The following INSYN2B variants were observed in gnomAD, a reference collection of about 807,000 sequenced individuals.
INSYN2B encodes inhibitory synaptic factor family member 2B, also known as protein INSYN2B.
In INSYN2B, 16 loss-of-function variants were observed where a neutral mutation model predicts 41.2. That is an observed-to-expected ratio of 0.39 (90% CI 0.26 to 0.59). INSYN2B has a LOEUF of 0.59. Among genes scored for constraint, INSYN2B ranks in the 20% least tolerant of loss-of-function variants. The pLI, the probability that INSYN2B is intolerant of heterozygous loss-of-function variation, is 0.57. For missense variants in INSYN2B, 608 were observed against 646.4 expected (o/e 0.94, Z 0.64); for synonymous variants, 245 against 244.4 (o/e 1.00, Z -0.02).
intron 1 of INSYN2B, among the ~76,000 whole-genome samples, chr5:169,971,283 G>A (rs7702092): frequency 0.32 from 48,038 of 152,006 alleles, 7,923 homozygotes; most frequent in Admixed American, 0.38. Flanking sequence ...TGCCAGAGAA[G>A]GAGCCAGCCT....
chr5:169,928,563 C>T (rs1241244885), intron 1 of INSYN2B, among the ~76,000 whole-genome samples: 2 of 152,200 alleles, frequency 1.3e-5, no homozygotes, highest in East Asian at 1.9e-4. Flanking sequence ...TGACATGAAG[C>T]ATCGTCCATC....
At chr5:169,908,713 CTTTTTTTT>C (rs34261104) in intron 1 of INSYN2B, among the ~76,000 whole-genome samples, 47 of 105,076 alleles carry the variant, frequency 4.5e-4, no homozygotes, top group African/African-American at 7.6e-4. Context: ...TTTCTTTTTT[CTTTTTTTT>C]TTTTTTTTTT....
At chr5:169,867,388 G>A (rs1322729461) in intron 3 of INSYN2B, among the ~76,000 whole-genome samples, 1 of 151,970 alleles carries the variant, frequency 6.6e-6, no homozygotes, top group African/African-American at 2.4e-5. Context: ...TATGAGCCAG[G>A]AACCATGGGT....
chr5:169,916,483 G>T (rs1774880769), intron 1 of INSYN2B, among the ~76,000 whole-genome samples: 1 of 152,220 alleles, frequency 6.6e-6, no homozygotes, highest in Admixed American at 6.5e-5. Flanking sequence ...TGATGAAGGG[G>T]ATGGACGCTA....
chr5:169,884,021 G>T lies in INSYN2B; in HGVS notation c.-123C>A. On this transcript the variant is annotated 5_prime_UTR_variant, in exon 2 of 4. Transcript: ENST00000377365. ...GAGAACTGCTGGCCAGGATGGAGTG[G>T]TCCTCTCCTCTTAGTATGGGAAATC... 1 of 908,302 alleles carries T rather than the reference G, an allele frequency of 1.1e-6. No individual in the cohort carries two copies. Among genetic ancestry groups the T allele is most frequent in the Non-Finnish European group, 1.5e-6 (1 of 649,808 alleles). 56.3% of individuals were successfully genotyped at this position (908,302 alleles called of 1,614,324 possible).
intron 1 of INSYN2B, among the ~76,000 whole-genome samples, chr5:169,896,397 A>G (rs989355807): frequency 6.6e-6 from 1 of 152,158 alleles, no homozygotes; most frequent in Non-Finnish European, 1.5e-5. Flanking sequence ...TTAGATTTCA[A>G]TGCTGGCTCT....
chr5:169,950,267 C>T (rs534923799), intron 1 of INSYN2B, among the ~76,000 whole-genome samples: 2 of 152,266 alleles, frequency 1.3e-5, no homozygotes, highest in Non-Finnish European at 2.9e-5. Flanking sequence ...CCTTTCTGAG[C>T]CTCACTTTCC....
chr5:169,964,670 C>T (rs1490208499), intron 1 of INSYN2B, among the ~76,000 whole-genome samples: 2 of 152,248 alleles, frequency 1.3e-5, no homozygotes, highest in Non-Finnish European at 2.9e-5. Flanking sequence ...AGCAGCAGTA[C>T]TATACCAGGT....
chr5:169,943,108 G>A (rs114349227), intron 1 of INSYN2B, among the ~76,000 whole-genome samples: 25 of 152,240 alleles, frequency 1.6e-4, no homozygotes, highest in Middle Eastern at 3.4e-3. Flanking sequence ...TCCATTCAAT[G>A]GAAATATCAT....
rs1771356593 is a variant in INSYN2B, at chr5:169,863,778, T to C, written c.*495A>G. On this transcript the variant is annotated 3_prime_UTR_variant, in exon 4 of 4. Coordinates refer to ENST00000377365, the MANE Select transcript of INSYN2B (RefSeq NM_001129891.3). Reference sequence around the variant, plus strand: ...CCCTGCCCACTTCTCTTGTGCTTATTATGTATGCTGATATCTTAGAAAACT... The same window carrying C: ...CCCTGCCCACTTCTCTTGTGCTTATCATGTATGCTGATATCTTAGAAAACT... Among the ~76,000 whole-genome samples the C allele has an allele frequency of 6.6e-6, 1 of 152,240 alleles. No homozygotes were observed. The highest frequency in any genetic ancestry group is 1.5e-5 in the Non-Finnish European group (1 of 68,040).
intron 3 of INSYN2B, among the ~76,000 whole-genome samples, chr5:169,872,500 C>T (rs1040550415): frequency 6.6e-6 from 1 of 152,214 alleles, no homozygotes; most frequent in African/African-American, 2.4e-5. Context: ...GGCAAGTCTA[C>T]CCCTTCTCCT....
chr5:169,966,484 A>G (rs917759247), intron 1 of INSYN2B, among the ~76,000 whole-genome samples: 3 of 152,222 alleles, frequency 2.0e-5, no homozygotes, highest in Non-Finnish European at 4.4e-5. Flanking sequence ...ATGTAATCAC[A>G]TTCAATCTAT....
At position 169,883,131 on chromosome 5, in the gene INSYN2B, G is replaced by A; in HGVS notation, c.768C>T (p.Thr256=). The A allele has an allele frequency of 6.4e-7, 1 of 1,551,648 alleles. No homozygotes were observed. The highest frequency in any genetic ancestry group is 2.0e-5 in the Admixed American group (1 of 51,008). The part of the protein sequence containing the change: ...RVTPLDSEKS[T]SCLNATSVAS... ...CAACGCTGGTGGCATTTAAGCAGGA[G>A]GTGGATTTTTCTGAATCTAGTGGAG... The change falls in exon 2 of 4, where the codon ACC becomes ACT. Residue 256 remains threonine, a synonymous_variant. Transcript: ENST00000377365.
At chr5:169,873,472 G>A (rs1001304189) in intron 3 of INSYN2B, among the ~76,000 whole-genome samples, 5 of 152,180 alleles carry the variant, frequency 3.3e-5, no homozygotes, top group African/African-American at 9.7e-5. Flanking sequence ...GATGAGAGCT[G>A]CAAATGCATC....
chr5:169,919,750 A>G (rs1377160888), intron 1 of INSYN2B, among the ~76,000 whole-genome samples: 1 of 152,130 alleles, frequency 6.6e-6, no homozygotes, highest in Non-Finnish European at 1.5e-5. Flanking sequence ...AAACCTGCTA[A>G]TGTGGGGGCA....
chr5:169,892,442 T>C (rs1164620969), intron 1 of INSYN2B, among the ~76,000 whole-genome samples: 1 of 152,242 alleles, frequency 6.6e-6, no homozygotes, highest in African/African-American at 2.4e-5. Context: ...CTAATGTCAA[T>C]CCAGGTTCTC....
chr5:169,958,939 T>A (rs1193244560), intron 1 of INSYN2B, among the ~76,000 whole-genome samples: 2 of 152,224 alleles, frequency 1.3e-5, no homozygotes, highest in Non-Finnish European at 2.9e-5. Flanking sequence ...CAACTCATAG[T>A]TGGCTAAGGA....
intron 3 of INSYN2B, among the ~76,000 whole-genome samples, chr5:169,868,236 G>A (rs895836346): frequency 2.1e-4 from 32 of 152,314 alleles, no homozygotes; most frequent in African/African-American, 2.9e-4. Context: ...GTTTGAGATA[G>A]GTGATTAAGT....
chr5:169,934,656 C>G (rs259898), intron 1 of INSYN2B: 50,015 of 455,604 alleles, frequency 0.11, 3,929 homozygotes, highest in African/African-American at 0.31. Context: ...TTCTAGGATG[C>G]AGCTGATGAT....
Sources: gnomAD v4.1 joint callset for allele counts (sites outside exome capture counted in the v4.1 genomes callset) on GRCh38, gnomAD v4.1.1 for gene constraint, MANE v1.5 for transcripts, NCBI Gene and HGNC (gene_info 2026-07-23, HGNC 2026-07-21) for gene names.